Variants in FER1L6 observed in about 807,000 individuals in gnomAD.
FER1L6 encodes fer-1-like protein 6.
A neutral mutation model predicts 219.2 loss-of-function variants in FER1L6; 177 were observed. That is an observed-to-expected ratio of 0.81 (90% CI 0.71 to 0.91). The LOEUF is 0.91. Ranked by LOEUF, FER1L6 falls within the 40% of genes least tolerant of loss-of-function variation. The pLI is 0.00. For missense variants in FER1L6, 2,153 were observed against 2,259.9 expected (o/e 0.95, Z 0.96); for synonymous variants, 768 against 824.3 (o/e 0.93, Z 1.17).
At chr8:123,911,153 G>A (rs1813041644) in intron 1 of FER1L6, among the ~76,000 whole-genome samples, 1 of 152,060 alleles carries the variant, frequency 6.6e-6, no homozygotes, top group African/African-American at 2.4e-5. Context: ...TAAAGTTCTA[G>A]AGTTGGAAAT....
chr8:123,906,460 T>C (rs1812954593), intron 1 of FER1L6, among the ~76,000 whole-genome samples: 1 of 152,102 alleles, frequency 6.6e-6, no homozygotes, highest in South Asian at 2.1e-4. Context: ...GTTTAGTGTT[T>C]GACAACAACA....
At chr8:123,854,215 T>C (rs1008301265) in intron 1 of FER1L6, among the ~76,000 whole-genome samples, 3 of 152,226 alleles carry the variant, frequency 2.0e-5, no homozygotes, top group African/African-American at 7.2e-5. Context: ...AGGAAGTTAT[T>C]GCATTTTATC....
Position 124,035,525 on chromosome 8 carries a change from G to A in FER1L6, c.2464+71G>A, listed in dbSNP as rs1320554786. 16 of 1,471,232 alleles carry A rather than the reference G, an allele frequency of 1.1e-5. No homozygotes were observed. The African/African-American group carries it at 1.3e-4, about 12-fold the overall frequency. The allele number at this position is 1,471,232 out of a possible 1,614,324, so 91.1% of individuals were successfully genotyped here. A position where few individuals can be genotyped will look rare whatever the true frequency, so the allele number is the denominator to read the frequency against. ...GGCTTCTGAAAAGATAATAAGGAGG[G>A]CAGCATGCATGAGTTTTTTGCACAT... On this transcript the variant is annotated intron_variant, in intron 19 of 40. Transcript: ENST00000522917.
At chr8:123,952,207 G>T (rs1363927001) in intron 1 of FER1L6, among the ~76,000 whole-genome samples, 1 of 152,212 alleles carries the variant, frequency 6.6e-6, no homozygotes, top group African/African-American at 2.4e-5. Context: ...CAGAAGAGGA[G>T]CCTGGAGCTC....
chr8:124,054,722 A>G (rs1418899951), intron 22 of FER1L6, among the ~76,000 whole-genome samples: 1 of 152,210 alleles, frequency 6.6e-6, no homozygotes, highest in Non-Finnish European at 1.5e-5. Context: ...TATGCCCGGC[A>G]TGCTCAAGGA....
At position 124,060,932 on chromosome 8, in the gene FER1L6, T is replaced by C. The variant is rs28733843; in HGVS notation, c.3147+223T>C. On this transcript the variant is annotated intron_variant, in intron 24 of 40. Coordinates refer to ENST00000522917, the MANE Select transcript of FER1L6 (RefSeq NM_001039112.2). ...AAGCAGGTTGACAAACTTTTTCCTA[T>C]AACAGTGGTTCCCAAAGTGTGGTCC... 3,588 of 407,834 alleles carry C rather than the reference T, an allele frequency of 8.8e-3. 85 individuals carry two copies. The highest frequency in any genetic ancestry group is 0.058 in the African/African-American group (2,839 of 49,330). 25.3% of individuals were successfully genotyped at this position (407,834 alleles called of 1,614,324 possible). A position where few individuals can be genotyped will look rare whatever the true frequency, so the allele number is the denominator to read the frequency against.
At chr8:123,978,222 T>C (rs1458600670) in intron 10 of FER1L6, among the ~76,000 whole-genome samples, 1 of 152,138 alleles carries the variant, frequency 6.6e-6, no homozygotes, top group Admixed American at 6.5e-5. Context: ...AAATCAGAGA[T>C]TGGTAAACTA....
At chr8:123,910,560 A>G (rs1286926708) in intron 1 of FER1L6, among the ~76,000 whole-genome samples, 1 of 152,036 alleles carries the variant, frequency 6.6e-6, no homozygotes, top group African/African-American at 2.4e-5. Flanking sequence ...AAAATACTTC[A>G]TCCCTCACTT....
At chr8:123,883,129 A>G (rs550120822) in intron 1 of FER1L6, among the ~76,000 whole-genome samples, 7 of 152,350 alleles carry the variant, frequency 4.6e-5, no homozygotes, top group African/African-American at 1.7e-4. Flanking sequence ...GAGCTGAGAT[A>G]TGAATAATGA....
chr8:123,888,687 G>C (rs1472653339), intron 1 of FER1L6, among the ~76,000 whole-genome samples: 1 of 152,072 alleles, frequency 6.6e-6, no homozygotes, highest in Non-Finnish European at 1.5e-5. Context: ...GCCTTCCCTG[G>C]ATCACCTATT....
In FER1L6 at chr8:123,853,343, C is replaced by T. The variant is rs56245364; in HGVS notation, c.-8+1158C>T. On this transcript the variant is annotated intron_variant, in intron 1 of 40. Transcript: ENST00000522917. The surrounding 1 kb of genome is among the most constrained non-coding windows in gnomAD (Gnocchi z 6.6). Reference sequence around the variant, plus strand: ...CTAATTTCTGTATTTTTAGAGAAGACGGGGTTTCACCATGACGGCCAGGAT... The same window carrying T: ...CTAATTTCTGTATTTTTAGAGAAGATGGGGTTTCACCATGACGGCCAGGAT... Among the ~76,000 whole-genome samples the T allele has an allele frequency of 0.34, 51,153 of 151,892 alleles. 9,455 individuals carry two copies. Among genetic ancestry groups the T allele is most frequent in the East Asian group, 0.8 (4,117 of 5,154 alleles).
chr8:124,007,898 GT>G (rs1204554845), intron 13 of FER1L6, among the ~76,000 whole-genome samples: 1 of 152,096 alleles, frequency 6.6e-6, no homozygotes, highest in East Asian at 1.9e-4. Context: ...CATTTCTCTA[GT>G]AATTTCAGCT....
At chr8:123,985,383 T>A (rs545866594) in intron 11 of FER1L6, 1 of 152,472 alleles carries the variant, frequency 6.6e-6, no homozygotes, top group African/African-American at 2.4e-5. Context: ...TGCTTGTACA[T>A]GTGACTAATC....
intron 1 of FER1L6, among the ~76,000 whole-genome samples, chr8:123,855,288 G>A (rs1816612482): frequency 6.6e-6 from 1 of 152,120 alleles, no homozygotes; most frequent in African/African-American, 2.4e-5. Flanking sequence ...GATAGTAGGT[G>A]GCCACAAAAC....
chr8:123,910,643 C>T (rs1813034390), intron 1 of FER1L6, among the ~76,000 whole-genome samples: 1 of 150,984 alleles, frequency 6.6e-6, no homozygotes, highest in African/African-American at 2.4e-5. Flanking sequence ...AATAAACCTT[C>T]CTGATATGTT....
chr8:124,075,991 T>C (rs1353150155), intron 31 of FER1L6, among the ~76,000 whole-genome samples: 2 of 152,202 alleles, frequency 1.3e-5, no homozygotes, highest in African/African-American at 4.8e-5. Context: ...CAGCAAAATG[T>C]AGATGCTAAA....
chr8:123,968,379 C>G (rs998502662), intron 5 of FER1L6, among the ~76,000 whole-genome samples: 1 of 152,016 alleles, frequency 6.6e-6, no homozygotes, highest in South Asian at 2.1e-4. Context: ...AATATTCAAG[C>G]CTAAAGTTCA....
chr8:123,973,964 C>G (rs912890145), intron 7 of FER1L6, among the ~76,000 whole-genome samples: 1 of 152,200 alleles, frequency 6.6e-6, no homozygotes, highest in Non-Finnish European at 1.5e-5. Context: ...TTAATATACA[C>G]AAAATGCTTA....
At chr8:123,888,458 G>A (rs1817245862) in intron 1 of FER1L6, among the ~76,000 whole-genome samples, 1 of 152,212 alleles carries the variant, frequency 6.6e-6, no homozygotes, top group Middle Eastern at 3.4e-3. Context: ...ATATTCTTTG[G>A]AATCTGAAGT....
Sources: allele counts gnomAD v4.1 joint callset (sites outside exome capture counted in the v4.1 genomes callset), GRCh38; gene constraint gnomAD v4.1.1; non-coding constraint Gnocchi (gnomAD v3.1); transcripts MANE v1.5; gene names NCBI Gene and HGNC (gene_info 2026-07-23, HGNC 2026-07-21).